Variants in SLC41A2 observed in about 807,000 individuals in gnomAD.
SLC41A2 encodes solute carrier family 41 member 2.
In SLC41A2, 32 loss-of-function variants were observed where a neutral mutation model predicts 58.3. The observed-to-expected ratio is 0.55, with a 90% CI of 0.41 to 0.74. The LOEUF is 0.74. Among genes scored for constraint, SLC41A2 ranks in the 30% least tolerant of loss-of-function variants. The pLI is 0.00. For synonymous variants in SLC41A2, 190 were observed against 235.0 expected, an observed-to-expected ratio of 0.81 and a Z score of 1.75; for missense variants, 514 against 680.6, an observed-to-expected ratio of 0.76 and a Z score of 2.72.
At chr12:104,909,840 T>C in intron 2 of SLC41A2, 78 bp from the exon 3 acceptor site, 1 of 986,442 alleles carries the variant, frequency 1.0e-6, no homozygotes, top group Non-Finnish European at 1.5e-6. Context: ...TCTAAAAATC[T>C]CAGCCTTTTT....
intron 10 of SLC41A2, among the ~76,000 whole-genome samples, chr12:104,837,982 C>T (rs558261245): frequency 5.9e-5 from 9 of 152,158 alleles, no homozygotes; most frequent in Non-Finnish European, 1.2e-4. Context: ...TTCTACAATG[C>T]TCTGCTTACT....
intron 2 of SLC41A2, among the ~76,000 whole-genome samples, chr12:104,916,171 C>T (rs1351135284): frequency 1.3e-5 from 2 of 152,118 alleles, no homozygotes; most frequent in African/African-American, 2.4e-5. Flanking sequence ...ATTCGGTTTG[C>T]CAGTATTTTA....
intron 8 of SLC41A2, among the ~76,000 whole-genome samples, chr12:104,851,445 G>A (rs1047348851): frequency 6.6e-5 from 10 of 152,042 alleles, no homozygotes; most frequent in Middle Eastern, 3.4e-3. Context: ...GTGCAGTTGC[G>A]TCATTGTGGC....
At chr12:104,899,802 T>A (rs1367060935) in intron 3 of SLC41A2, among the ~76,000 whole-genome samples, 1 of 152,152 alleles carries the variant, frequency 6.6e-6, no homozygotes, top group Non-Finnish European at 1.5e-5. Flanking sequence ...CAGAAGACAC[T>A]CAGTCAACAA....
In SLC41A2 at chr12:104,901,476, G is replaced by A. The variant is rs149877852; in HGVS notation, c.664-6131C>T. 5.4e-3 allele frequency among the ~76,000 whole-genome samples: 823 copies of A among 152,028 alleles called. 9 individuals carry two copies. Among genetic ancestry groups the A allele is most frequent in the African/African-American group, 0.018 (753 of 41,460 alleles). On this transcript the variant is annotated intron_variant, in intron 3 of 10. Transcript: ENST00000258538. The stretch of plus-strand genomic sequence containing the variant: ...AAACAAGTTTTGACTCAAGTAAGAT[G>A]GCAAGATAAAGTTGATTTGGATACA...
At chr12:104,944,705 C>A (rs1157764989) in intron 1 of SLC41A2, among the ~76,000 whole-genome samples, 1 of 152,128 alleles carries the variant, frequency 6.6e-6, no homozygotes, top group Non-Finnish European at 1.5e-5. Flanking sequence ...ATTCTCAAAA[C>A]CACCCCAAAA....
intron 10 of SLC41A2, among the ~76,000 whole-genome samples, chr12:104,842,117 T>C (rs2136321716): frequency 6.6e-6 from 1 of 152,224 alleles, no homozygotes; most frequent in East Asian, 1.9e-4. Flanking sequence ...TTTTAAGTGG[T>C]GAAAGATTCT....
chr12:104,874,107 T>C (rs1202640931), intron 6 of SLC41A2, among the ~76,000 whole-genome samples: 1 of 148,338 alleles, frequency 6.7e-6, no homozygotes, highest in Non-Finnish European at 1.5e-5. Flanking sequence ...AGAGTCTTGC[T>C]CAGTTGCCCA....
intron 8 of SLC41A2, among the ~76,000 whole-genome samples, chr12:104,848,161 AAAGT>A (rs1259517702): frequency 6.6e-6 from 1 of 152,238 alleles, no homozygotes; most frequent in Non-Finnish European, 1.5e-5. Context: ...CCATAACAGA[AAAGT>A]AAGATATCTG....
chr12:104,880,696 C>T (rs545011984), intron 6 of SLC41A2, among the ~76,000 whole-genome samples: 5 of 152,196 alleles, frequency 3.3e-5, no homozygotes, highest in East Asian at 1.9e-4. Flanking sequence ...CGCTTTTTGA[C>T]GTGCTGCTGG....
Position 104,844,497 on chromosome 12 carries a change from A to G in SLC41A2, c.1511T>C (p.Val504Ala). 6.6e-7 allele frequency: 1 copy of G among 1,512,930 alleles called. No individual in the cohort carries two copies. The highest frequency in any genetic ancestry group is 8.8e-7 in the Non-Finnish European group (1 of 1,134,346). 93.7% of individuals were successfully genotyped at this position (1,512,930 alleles called of 1,614,324 possible). ...CTGTAACACAGCGCCAAATAAATAC[A>G]CTACTATGAAGATTATAGTTAAAGA... ...HTSLTIIFIVVYLFGAVLQVF... is the reference protein window; with the variant it reads ...HTSLTIIFIVAYLFGAVLQVF... Residue 504 changes from valine to alanine, a missense_variant, in exon 10 of 11, where the codon GTG becomes GCG. Coordinates refer to ENST00000258538, the MANE Select transcript of SLC41A2 (RefSeq NM_001352171.3).
rs2043818317 is a variant in SLC41A2, at chr12:104,872,229, C to T, written c.1028-5650G>A. On this transcript the variant is annotated intron_variant, in intron 6 of 10. Transcript: ENST00000258538. Reference sequence around the variant, plus strand: ...TAAGTTTCCAACTGACTCCGCGAGGCCTAAATACCAGGGTAAAAACTTTAA... The same window carrying T: ...TAAGTTTCCAACTGACTCCGCGAGGTCTAAATACCAGGGTAAAAACTTTAA... Among the ~76,000 whole-genome samples the T allele has an allele frequency of 3.9e-5, 6 of 152,156 alleles. No individual in the cohort carries two copies. The South Asian group carries it at 1.2e-3, about 32-fold the overall frequency.
chr12:104,900,671 G>A (rs1296023317), intron 3 of SLC41A2, among the ~76,000 whole-genome samples: 2 of 152,188 alleles, frequency 1.3e-5, no homozygotes, highest in Admixed American at 6.5e-5. Flanking sequence ...ACTTTAAAGT[G>A]AGGAACTAAC....
In SLC41A2 at chr12:104,837,815, T is replaced by G. The variant is rs144298500; in HGVS notation, c.1536+6657A>C. On this transcript the variant is annotated intron_variant, in intron 10 of 10. Transcript: ENST00000258538. ...TGGAAACTCACTATGTTCTAGGCACTCTAGCAAGTACTTTATATATATTTT... is the reference window on the plus strand; with the variant it reads ...TGGAAACTCACTATGTTCTAGGCACGCTAGCAAGTACTTTATATATATTTT... Among the ~76,000 whole-genome samples the G allele has an allele frequency of 1.4e-3, 220 of 152,282 alleles. 1 individual carries two copies. The highest frequency in any genetic ancestry group is 2.3e-3 in the Non-Finnish European group (158 of 68,024).
chr12:104,879,581 G>A (rs1286837866), intron 6 of SLC41A2, among the ~76,000 whole-genome samples: 1 of 152,114 alleles, frequency 6.6e-6, no homozygotes, highest in East Asian at 1.9e-4. Context: ...GTTTTTGTCA[G>A]GTTTGTCAAA....
At chr12:104,855,884 G>A (rs184287351) in intron 8 of SLC41A2, among the ~76,000 whole-genome samples, 1 of 152,204 alleles carries the variant, frequency 6.6e-6, no homozygotes, top group South Asian at 2.1e-4. Flanking sequence ...CGGGGAAGAG[G>A]ATGAGTTCAG....
At chr12:104,920,356 G>A (rs1565902000) in intron 2 of SLC41A2, among the ~76,000 whole-genome samples, 1 of 151,880 alleles carries the variant, frequency 6.6e-6, no homozygotes, top group Non-Finnish European at 1.5e-5. Context: ...AGGGAATTCT[G>A]TTAAACATTC....
rs971747036 is a variant in SLC41A2, at chr12:104,942,884, T to G, written c.-167-14190A>C. On this transcript the variant is annotated intron_variant, in intron 1 of 10. Coordinates refer to ENST00000258538, the MANE Select transcript of SLC41A2 (RefSeq NM_001352171.3). ...TAATGAGTTCCCTGGCACTTATAAA[T>G]CTGAAATAGCTAAATTTAGAAACTA... Among the ~76,000 whole-genome samples, 4 of 152,226 alleles carry G rather than the reference T, an allele frequency of 2.6e-5. No individual in the cohort carries two copies. In the East Asian group the frequency reaches 5.8e-4, roughly 22 times the overall value.
intron 8 of SLC41A2, among the ~76,000 whole-genome samples, chr12:104,848,285 A>G (rs953428235): frequency 7.2e-5 from 11 of 152,326 alleles, no homozygotes; most frequent in Admixed American, 3.3e-4. Flanking sequence ...ACTACAAATG[A>G]AAACATAAAA....
Sources: allele counts gnomAD v4.1 joint callset (sites outside exome capture counted in the v4.1 genomes callset), GRCh38; gene constraint gnomAD v4.1.1; transcripts MANE v1.5; gene names NCBI Gene and HGNC (gene_info 2026-07-23, HGNC 2026-07-21).